The following ANKRD36 variants were observed in gnomAD, a reference collection of about 807,000 sequenced individuals.
The protein encoded by ANKRD36 is ankyrin repeat domain 36.
ANKRD36 carries 179 observed loss-of-function variants against 278.1 expected under a neutral mutation model. That is an observed-to-expected ratio of 0.64 (90% confidence interval 0.57 to 0.73). The LOEUF is 0.73. Ranked by LOEUF, ANKRD36 falls within the 30% of genes least tolerant of loss-of-function variation. ANKRD36 has a pLI of 0.00. For synonymous variants in ANKRD36, 320 were observed against 641.1 expected, an observed-to-expected ratio of 0.50 and a Z score of 7.57; for missense variants, 1,159 against 1,956.7, an observed-to-expected ratio of 0.59 and a Z score of 7.69.
chr2:97,160,103 G>A (rs999139454), intron 17 of ANKRD36, among the ~76,000 whole-genome samples: 25 of 152,206 alleles, frequency 1.6e-4, no homozygotes, highest in Non-Finnish European at 8.8e-5. Flanking sequence ...AATTTTATAG[G>A]AGGTTTCTAA....
Position 97,146,485 on chromosome 2 carries a change from G to C in ANKRD36, c.1004-1G>C. The C allele has an allele frequency of 6.6e-7, 1 of 1,517,934 alleles. No homozygotes were observed. Among genetic ancestry groups the C allele is most frequent in the Non-Finnish European group, 8.8e-7 (1 of 1,135,948 alleles). The allele number at this position is 1,517,934 out of a possible 1,614,324, so 94.0% of individuals were successfully genotyped here. On this transcript the variant is annotated splice_acceptor_variant, in intron 10 of 75. Transcript: ENST00000420699. LOFTEE classifies it high-confidence loss of function. ...AATGCATTTTACTTTTTGTTTAATA[G>C]TGCTTCCTGCTGTTGAACAGTGTTT... is the stretch of plus-strand genomic sequence containing the variant.
At chr2:97,145,385 G>A (rs1175106765) in intron 10 of ANKRD36, among the ~76,000 whole-genome samples, 2 of 151,916 alleles carry the variant, frequency 1.3e-5, no homozygotes, top group African/African-American at 2.4e-5. Context: ...TTATTATTGG[G>A]CATCAGAGAT....
chr2:97,170,971 C>G (rs1427410363), intron 22 of ANKRD36, among the ~76,000 whole-genome samples: 1 of 151,364 alleles, frequency 6.6e-6, no homozygotes, highest in African/African-American at 2.4e-5. Flanking sequence ...CACTGGCCAT[C>G]AGAGAAATGC....
At chr2:97,196,821 A>G (rs762664325) in intron 42 of ANKRD36, 33 bp downstream of exon 42, 9 of 1,543,172 alleles carry the variant, frequency 5.8e-6, no homozygotes, top group Admixed American at 2.0e-5. Flanking sequence ...TGTCATGTTC[A>G]GTCCAGATAG....
intron 62 of ANKRD36, chr2:97,216,515 G>A (rs1331330639): frequency 6.0e-6 from 1 of 167,832 alleles, no homozygotes; most frequent in African/African-American, 2.4e-5. Context: ...ATTATCCTTT[G>A]GTGCCATGAA....
intron 66 of ANKRD36, among the ~76,000 whole-genome samples, chr2:97,221,230 AT>A (rs1450711379): frequency 1.7e-5 from 2 of 120,568 alleles, no homozygotes. Context: ...TAGTGCCGCA[AT>A]AAACATACGT....
rs551440781 is a variant in ANKRD36 at position 97,216,149 on chromosome 2, G to A, written c.3673+652G>A. 4.4e-3 allele frequency among the ~76,000 whole-genome samples: 663 copies of A among 151,854 alleles called. No homozygotes were observed. The Middle Eastern group carries it at 0.045, about 10-fold the overall frequency. ...GAATTGGGATAAAGCACACTGACTC[G>A]TTACTCCTCTTTGTTACTGTTAGGC... is the stretch of plus-strand genomic sequence containing the variant. On this transcript the variant is annotated intron_variant, in intron 62 of 75. Coordinates refer to ENST00000420699, the MANE Select transcript of ANKRD36 (RefSeq NM_001354587.1).
intron 6 of ANKRD36, among the ~76,000 whole-genome samples, chr2:97,133,761 C>G (rs1220559580): frequency 6.6e-5 from 10 of 151,906 alleles, no homozygotes; most frequent in Admixed American, 5.9e-4. Flanking sequence ...AAATTAATAA[C>G]TTTATTTTAA....
chr2:97,210,969 G>A (rs1350018087), intron 56 of ANKRD36, among the ~76,000 whole-genome samples: 1 of 151,898 alleles, frequency 6.6e-6, no homozygotes, highest in East Asian at 2.0e-4. Flanking sequence ...ACATGGGGGT[G>A]AGAGATAATG....
intron 8 of ANKRD36, 98 bp downstream of exon 8, chr2:97,142,933 T>G: frequency 1.4e-6 from 2 of 1,381,896 alleles, no homozygotes; most frequent in Non-Finnish European, 1.9e-6. Context: ...ATCTGCACAT[T>G]CTGATTCAGC....
chr2:97,209,670 T>C lies in ANKRD36; in HGVS notation c.3266-11T>C, dbSNP rs2063832152. On this transcript the variant is annotated splice_polypyrimidine_tract_variant and intron_variant, in intron 54 of 75. Transcript: ENST00000420699. ...ACATGTGAGTGATTATGTATCCCTT[T>C]TGCTTTTCAGTGTCTTCTCGGAAAA... The C allele has an allele frequency of 6.3e-7, 1 of 1,584,880 alleles. No homozygotes were observed. Among genetic ancestry groups the C allele is most frequent in the African/African-American group, 1.5e-5 (1 of 68,372 alleles).
intron 6 of ANKRD36, among the ~76,000 whole-genome samples, chr2:97,138,114 GAAAT>G (rs2041992378): frequency 6.6e-6 from 1 of 151,394 alleles, no homozygotes; most frequent in Non-Finnish European, 1.5e-5. Context: ...GCAAGAGAAA[GAAAT>G]AAACGGTATT....
chr2:97,165,944 C>G (rs1331984999), intron 20 of ANKRD36, among the ~76,000 whole-genome samples: 1 of 152,164 alleles, frequency 6.6e-6, no homozygotes, highest in African/African-American at 2.4e-5. Flanking sequence ...GACATTTTCC[C>G]AAGTCTTCAC....
At chr2:97,206,779 C>G (rs555740158) in intron 52 of ANKRD36, among the ~76,000 whole-genome samples, 3 of 151,582 alleles carry the variant, frequency 2.0e-5, no homozygotes, top group Admixed American at 1.3e-4. Context: ...AACACACTGA[C>G]TCATTACTCC....
intron 4 of ANKRD36, 57 bp from the exon 5 acceptor site, chr2:97,124,403 A>G: frequency 6.6e-7 from 1 of 1,523,326 alleles, no homozygotes; most frequent in Non-Finnish European, 8.8e-7. Context: ...GATAAAGTAT[A>G]TAAACTTAGC....
chr2:97,196,479 A>G (rs1207471759), intron 40 of ANKRD36, 114 bp from the exon 41 acceptor site: 5 of 1,548,238 alleles, frequency 3.2e-6, no homozygotes, highest in African/African-American at 2.8e-5. Flanking sequence ...GAAGCCATCA[A>G]AGCCTATGCT....
intron 64 of ANKRD36, 40 bp downstream of exon 64, chr2:97,217,412 G>T: frequency 6.5e-7 from 1 of 1,548,772 alleles, no homozygotes; most frequent in East Asian, 2.5e-5. Flanking sequence ...GTGCACTCAA[G>T]ATAGAAGACA....
intron 15 of ANKRD36, among the ~76,000 whole-genome samples, 158 bp downstream of exon 15, chr2:97,154,899 G>C (rs1009849212): frequency 6.9e-6 from 1 of 144,282 alleles, no homozygotes; most frequent in Admixed American, 6.9e-5. Context: ...GAAATAGGGG[G>C]GGTTAATTTT....
chr2:97,157,131 C>CTCTCTG (rs147299174), intron 15 of ANKRD36, among the ~76,000 whole-genome samples: 1 of 143,516 alleles, frequency 7.0e-6, no homozygotes, highest in East Asian at 2.0e-4. Flanking sequence ...TTTTTTTTTC[C>CTCTCTG]TCTCTCTCTC....
Sources: gnomAD v4.1 joint callset for allele counts (sites outside exome capture counted in the v4.1 genomes callset) on GRCh38, gnomAD v4.1.1 for gene constraint, MANE v1.5 for transcripts, NCBI Gene and HGNC (gene_info 2026-07-23, HGNC 2026-07-21) for gene names.